Variants in TMC1 observed in about 807,000 individuals in gnomAD.
TMC1 encodes the protein transmembrane channel like 1.
Under a neutral mutation model 105.8 loss-of-function variants are expected in TMC1, and 84 were observed. The ratio of observed to expected loss-of-function variants is 0.79; its 90% confidence interval spans 0.67 to 0.95. The LOEUF (loss-of-function observed/expected upper bound fraction) is 0.95. Among genes scored for constraint, TMC1 ranks in the 40% least tolerant of loss-of-function variants. TMC1 has a pLI of 0.00. For missense variants in TMC1, 817 were observed against 914.1 expected, an observed-to-expected ratio of 0.89 and a Z score of 1.37; for synonymous variants, 315 against 311.5, an observed-to-expected ratio of 1.01 and a Z score of -0.12.
At chr9:72,830,058 C>G (rs1191061186) in intron 21 of TMC1, among the ~76,000 whole-genome samples, 1 of 152,186 alleles carries the variant, frequency 6.6e-6, no homozygotes, top group Non-Finnish European at 1.5e-5. Context: ...TCGGCATGTT[C>G]CCTAAGCTGC....
At chr9:72,700,679 C>T (rs1564499847) in intron 8 of TMC1, 36 bp downstream of exon 8, 2 of 1,439,704 alleles carry the variant, frequency 1.4e-6, no homozygotes, top group Non-Finnish European at 9.5e-7. Context: ...AAACACTTTC[C>T]CTGATATTGA....
chr9:72,818,940 G>C (rs548202806), intron 19 of TMC1, among the ~76,000 whole-genome samples: 1 of 152,232 alleles, frequency 6.6e-6, no homozygotes, highest in Non-Finnish European at 1.5e-5. Context: ...CAAATAATAA[G>C]CATATACATA....
rs1387199437 is a variant in TMC1, at chr9:72,742,526, G to C, written c.535+1G>C. ...GAAAATAAAATCAAGGCTATTGAAA[G>C]TAAGTCCTTATCAGATCTCAGGTGG... On this transcript the variant is annotated splice_donor_variant, in intron 10 of 23. Transcript: ENST00000297784. LOFTEE classifies it high-confidence loss of function. 15 of 1,612,902 alleles carry C rather than the reference G, an allele frequency of 9.3e-6. No individual in the cohort carries two copies. Among genetic ancestry groups the C allele is most frequent in the Non-Finnish European group, 1.3e-5 (15 of 1,179,030 alleles).
chr9:72,610,492 C>A (rs73651609), intron 2 of TMC1, among the ~76,000 whole-genome samples: 17,155 of 152,130 alleles, frequency 0.11, 1,111 homozygotes, highest in Non-Finnish European at 0.16. Flanking sequence ...GCCAATGTTT[C>A]AGTTAAAGTC....
intron 23 of TMC1, among the ~76,000 whole-genome samples, chr9:72,833,387 TA>T (rs1017780357): frequency 2.6e-5 from 4 of 152,256 alleles, no homozygotes; most frequent in Non-Finnish European, 5.9e-5. Context: ...CATATTGGGT[TA>T]TCTGTCCATT....
In TMC1 at chr9:72,836,057, A is replaced by G. The variant is rs759722630; in HGVS notation, c.*84A>G. The G allele has an allele frequency of 6.9e-7, 1 of 1,459,014 alleles. No homozygotes were observed. Among genetic ancestry groups the G allele is most frequent in the Non-Finnish European group, 9.6e-7 (1 of 1,047,058 alleles). 90.4% of individuals were successfully genotyped at this position (1,459,014 alleles called of 1,614,324 possible). A position where few individuals can be genotyped will look rare whatever the true frequency, so the allele number is the denominator to read the frequency against. ...ATATGTGAACGCCCAGAGAACAAGC[A>G]CTGTGGAACTGCTATTTTCCTGTTC... On this transcript the variant is annotated 3_prime_UTR_variant, in exon 24 of 24. Coordinates refer to ENST00000297784, the MANE Select transcript of TMC1 (RefSeq NM_138691.3).
intron 8 of TMC1, among the ~76,000 whole-genome samples, chr9:72,707,345 A>G (rs773119611): frequency 4.6e-5 from 7 of 152,096 alleles, no homozygotes; most frequent in Non-Finnish European, 4.4e-5. Flanking sequence ...CCTGTTTTCC[A>G]TATTGGTTGT....
At chr9:72,749,051 C>G (rs1332652707) in intron 10 of TMC1, among the ~76,000 whole-genome samples, 1 of 152,200 alleles carries the variant, frequency 6.6e-6, no homozygotes, top group African/African-American at 2.4e-5. Flanking sequence ...GTTTTGGACT[C>G]TAAAGTATAT....
intron 5 of TMC1, among the ~76,000 whole-genome samples, chr9:72,688,077 TA>T (rs1263410655): frequency 6.6e-6 from 1 of 152,210 alleles, no homozygotes; most frequent in South Asian, 2.1e-4. Flanking sequence ...GGGTGAGGAA[TA>T]AACAGAAAAA....
In TMC1 at chr9:72,628,008, A is replaced by G. The variant is rs183039764; in HGVS notation, c.-108A>G. ...GGCAGCAACTTTGAGCCTGTGGGGA[A>G]GGAACTGTCCACGTGGAGTGGTCTG... is the stretch of plus-strand genomic sequence containing the variant. On this transcript the variant is annotated 5_prime_UTR_variant, in exon 4 of 24. Transcript: ENST00000297784. 36 of 455,828 alleles carry G rather than the reference A, an allele frequency of 7.9e-5. 1 individual carries two copies. The highest frequency in any genetic ancestry group is 6.6e-4 in the African/African-American group (33 of 50,160). 28.2% of individuals were successfully genotyped at this position (455,828 alleles called of 1,614,324 possible).
At chr9:72,800,846 C>A (rs1347828842) in intron 17 of TMC1, among the ~76,000 whole-genome samples, 2 of 152,076 alleles carry the variant, frequency 1.3e-5, no homozygotes, top group Non-Finnish European at 2.9e-5. Context: ...CAGATGGAAT[C>A]TCTGGGAACA....
chr9:72,580,270 C>G (rs1430016402), intron 2 of TMC1, among the ~76,000 whole-genome samples: 1 of 152,196 alleles, frequency 6.6e-6, no homozygotes, highest in Non-Finnish European at 1.5e-5. Context: ...ATAGTCTTAT[C>G]TCTTTCCTTG....
chr9:72,648,169 T>A (rs1825744659), intron 4 of TMC1, among the ~76,000 whole-genome samples: 1 of 152,190 alleles, frequency 6.6e-6, no homozygotes, highest in African/African-American at 2.4e-5. Flanking sequence ...TGCAGGAGTA[T>A]CTTCTTTACT....
intron 15 of TMC1, among the ~76,000 whole-genome samples, chr9:72,790,151 A>G (rs1828242185): frequency 6.6e-6 from 1 of 152,186 alleles, no homozygotes; most frequent in Admixed American, 6.5e-5. Context: ...GGGCATTTTC[A>G]AAGTATGTGC....
chr9:72,626,979 G>C (rs1160269107), intron 3 of TMC1, among the ~76,000 whole-genome samples: 1 of 148,558 alleles, frequency 6.7e-6, no homozygotes, highest in African/African-American at 2.5e-5. Context: ...TATTTTTAAT[G>C]TTATACTTTA....
At chr9:72,690,459 T>G (rs1826446154) in intron 6 of TMC1, among the ~76,000 whole-genome samples, 1 of 152,142 alleles carries the variant, frequency 6.6e-6, no homozygotes. Context: ...GTGTTGCTCT[T>G]TAGTGTCCTC....
intron 1 of TMC1, among the ~76,000 whole-genome samples, chr9:72,542,767 C>A (rs1564399510): frequency 6.6e-6 from 1 of 151,898 alleles, no homozygotes; most frequent in African/African-American, 2.4e-5. Flanking sequence ...GCAACCTCTG[C>A]CGCCCGGGTT....
chr9:72,744,528 A>G (rs1340268390), intron 10 of TMC1, among the ~76,000 whole-genome samples: 1 of 152,204 alleles, frequency 6.6e-6, no homozygotes, highest in African/African-American at 2.4e-5. Flanking sequence ...GGCCATTTGG[A>G]GCATTACGGT....
chr9:72,600,058 G>A (rs1208820236), intron 2 of TMC1, among the ~76,000 whole-genome samples: 1 of 152,234 alleles, frequency 6.6e-6, no homozygotes, highest in African/African-American at 2.4e-5. Context: ...GTAGGATGAG[G>A]GCCATGTAGT....
Sources: gnomAD v4.1 joint callset for allele counts (sites outside exome capture counted in the v4.1 genomes callset) on GRCh38, gnomAD v4.1.1 for gene constraint, MANE v1.5 for transcripts, NCBI Gene and HGNC (gene_info 2026-07-23, HGNC 2026-07-21) for gene names.